DIPK1A: variants seen among roughly 807,000 people sequenced by gnomAD.
DIPK1A encodes the protein divergent protein kinase domain 1A.
A neutral mutation model predicts 40.8 loss-of-function variants in DIPK1A; 27 were observed. That is an observed-to-expected ratio of 0.66 (90% CI 0.49 to 0.91). The LOEUF is 0.91. DIPK1A is among the 40% of genes least tolerant of loss of function. The pLI is 0.00. For missense variants in DIPK1A, 412 were observed against 505.7 expected (o/e 0.81, Z 1.78); for synonymous variants, 166 against 171.3 (o/e 0.97, Z 0.24).
At chr1:92,876,579 T>A in intron 1 of DIPK1A, 149 bp from the exon 2 acceptor site, 1 of 779,234 alleles carries the variant, frequency 1.3e-6, no homozygotes, top group Non-Finnish European at 2.0e-6. Flanking sequence ...GCACTTTCAC[T>A]GAGTCCAAAC....
At chr1:92,859,691 G>A (rs1421709247) in intron 2 of DIPK1A, among the ~76,000 whole-genome samples, 1 of 152,082 alleles carries the variant, frequency 6.6e-6, no homozygotes, top group Non-Finnish European at 1.5e-5. Flanking sequence ...AGGAAATCTG[G>A]CTTTTATTGG....
intron 1 of DIPK1A, among the ~76,000 whole-genome samples, chr1:92,913,342 T>A (rs1305130876): frequency 6.6e-6 from 1 of 151,882 alleles, no homozygotes; most frequent in Non-Finnish European, 1.5e-5. Context: ...GCTCTAGTAC[T>A]TTACAAATTA....
At chr1:92,923,476 A>G (rs1650348909) in intron 1 of DIPK1A, among the ~76,000 whole-genome samples, 1 of 152,174 alleles carries the variant, frequency 6.6e-6, no homozygotes, top group Non-Finnish European at 1.5e-5. Context: ...CAGAGGCTAT[A>G]TCTTCCTGAA....
At chr1:92,889,226 C>T (rs1019683673) in intron 1 of DIPK1A, among the ~76,000 whole-genome samples, 11 of 152,144 alleles carry the variant, frequency 7.2e-5, no homozygotes, top group Admixed American at 5.9e-4. Flanking sequence ...CTCCATATGG[C>T]TATCCAGTTT....
At chr1:92,891,887 C>T (rs1041478868) in intron 1 of DIPK1A, among the ~76,000 whole-genome samples, 3 of 152,212 alleles carry the variant, frequency 2.0e-5, no homozygotes, top group African/African-American at 4.8e-5. Context: ...GAGGGTCCTA[C>T]GCCCATGGAG....
In DIPK1A at chr1:92,919,454, C is replaced by T. The variant is rs148402883; in HGVS notation, c.54+41922G>A. Among the ~76,000 whole-genome samples the T allele has an allele frequency of 2.0e-3, 299 of 152,288 alleles. 1 individual carries two copies. The highest frequency in any genetic ancestry group is 7.0e-3 in the African/African-American group (290 of 41,560). On this transcript the variant is annotated intron_variant, in intron 1 of 4. Transcript: ENST00000370310. ...CTCTAGGCCTTTGCATATTCTCTTT[C>T]TTCTTTCGAAGTACCTTTCACTGAC...
At chr1:92,889,469 G>T (rs1178892003) in intron 1 of DIPK1A, among the ~76,000 whole-genome samples, 6 of 151,970 alleles carry the variant, frequency 3.9e-5, no homozygotes, top group Non-Finnish European at 7.4e-5. Context: ...GATTACTTTG[G>T]CTATTCAGGG....
intron 2 of DIPK1A, among the ~76,000 whole-genome samples, chr1:92,862,125 G>C (rs1052439806): frequency 1.2e-4 from 19 of 152,024 alleles, no homozygotes; most frequent in African/African-American, 4.4e-4. Flanking sequence ...TTTTCCTTGT[G>C]TTCTCTGTAT....
rs527654387 is a variant in DIPK1A, at chr1:92,898,826, A to T, written c.55-22396T>A. On this transcript the variant is annotated intron_variant, in intron 1 of 4. Transcript: ENST00000370310. ...CACCCAGGCTGGAGTGCACTGGCAC[A>T]ATCATGGCTCACTGCAGCCTTGACC... 2.6e-5 allele frequency among the ~76,000 whole-genome samples: 4 copies of T among 151,994 alleles called. No individual in the cohort carries two copies. In the South Asian group the frequency reaches 6.2e-4, roughly 24 times the overall value.
intron 4 of DIPK1A, chr1:92,833,748 G>C: frequency 2.9e-6 from 3 of 1,032,534 alleles, no homozygotes; most frequent in Non-Finnish European, 4.5e-6. Context: ...TGTTAGAAGG[G>C]CTGTCTAGCA....
intron 1 of DIPK1A, chr1:92,876,843 T>A (rs1193518570): frequency 1.3e-5 from 4 of 305,696 alleles, no homozygotes; most frequent in African/African-American, 9.1e-5. Context: ...ATGATAAAAA[T>A]AATTTTGTTT....
At chr1:92,860,816 T>TTA (rs1447905323) in intron 2 of DIPK1A, among the ~76,000 whole-genome samples, 2 of 151,978 alleles carry the variant, frequency 1.3e-5, no homozygotes, top group Non-Finnish European at 2.9e-5. Context: ...GGGTTAGAAC[T>TTA]TTAATAAGTT....
intron 4 of DIPK1A, chr1:92,845,525 A>C (rs886132409): frequency 3.6e-5 from 14 of 390,928 alleles, no homozygotes; most frequent in Non-Finnish European, 5.4e-5. Context: ...AAAAAAAAAA[A>C]AAAACCGTCT....
Position 92,844,070 on chromosome 1 carries a change from C to G in DIPK1A, c.600G>C (p.Leu200=), listed in dbSNP as rs929594897. ...EAKSAWALLQ[L]NEFLLMVILQ... ...GTATCACCATGAGAAGAAATTCATT[C>G]AGTTGAAGAAGTGCCCATGCCGACT... Residue 200 remains leucine, a synonymous_variant, in exon 5 of 5, where the codon CTG becomes CTC. Coordinates refer to ENST00000370310, the MANE Select transcript of DIPK1A (RefSeq NM_001006605.5). 1.9e-6 allele frequency: 3 copies of G among 1,551,944 alleles called. No individual in the cohort carries two copies. Among genetic ancestry groups the G allele is most frequent in the East Asian group, 2.4e-5 (1 of 40,920 alleles).
chr1:92,900,208 T>C (rs1272032806), intron 1 of DIPK1A, among the ~76,000 whole-genome samples: 1 of 152,230 alleles, frequency 6.6e-6, no homozygotes, highest in Non-Finnish European at 1.5e-5. Context: ...TTTCTACACC[T>C]TTTCCCTTCT....
chr1:92,848,945 C>T (rs551038804), intron 3 of DIPK1A, among the ~76,000 whole-genome samples: 14 of 152,204 alleles, frequency 9.2e-5, no homozygotes, highest in African/African-American at 3.1e-4. Flanking sequence ...CCAGATGTTT[C>T]GTTGTATTTT....
chr1:92,853,165 G>C (rs1410317553), intron 2 of DIPK1A, among the ~76,000 whole-genome samples: 1 of 152,076 alleles, frequency 6.6e-6, no homozygotes, highest in East Asian at 1.9e-4. Context: ...AGATAAAAAA[G>C]ACAAAGTATA....
At chr1:92,933,424 T>G (rs1650833405) in intron 1 of DIPK1A, 3 of 152,180 alleles carry the variant, frequency 2.0e-5, no homozygotes, top group Admixed American at 2.0e-4. Flanking sequence ...AACTGCCCAG[T>G]GGGGTGGTTC....
chr1:92,953,619 T>C (rs1400687956), intron 1 of DIPK1A, among the ~76,000 whole-genome samples: 2 of 152,212 alleles, frequency 1.3e-5, no homozygotes, highest in Non-Finnish European at 2.9e-5. Context: ...GGTGACATTA[T>C]GTTAAGTGAA....
Sources: gnomAD v4.1 joint callset for allele counts (sites outside exome capture counted in the v4.1 genomes callset) on GRCh38, gnomAD v4.1.1 for gene constraint, MANE v1.5 for transcripts, NCBI Gene and HGNC (gene_info 2026-07-23, HGNC 2026-07-21) for gene names.